The following GRIN2A variants were observed in gnomAD, a reference collection of about 807,000 sequenced individuals.
GRIN2A encodes glutamate receptor ionotropic, NMDA 2A.
GRIN2A carries 22 observed loss-of-function variants against 113.4 expected under a neutral mutation model. The ratio of observed to expected loss-of-function variants is 0.19; its 90% confidence interval spans 0.14 to 0.28. The LOEUF is 0.28. Among genes scored for constraint, GRIN2A ranks in the 10% least tolerant of loss-of-function variants. The probability of loss-of-function intolerance (pLI) is 1.00; values close to 1 mark genes in which losing one functional copy is unlikely to be tolerated. For synonymous variants in GRIN2A, 827 were observed against 738.4 expected, an observed-to-expected ratio of 1.12 and a Z score of -1.94; for missense variants, 1,502 against 1,887.0, an observed-to-expected ratio of 0.80 and a Z score of 3.78.
chr16:10,070,518 T>TA (rs144755324), intron 2 of GRIN2A, among the ~76,000 whole-genome samples: 15,361 of 151,598 alleles, frequency 0.1, 847 homozygotes, highest in Non-Finnish European at 0.12. Flanking sequence ...TAATTACAGT[T>TA]AAAAAAAAAT....
At chr16:10,053,332 G>T (rs544390023) in intron 2 of GRIN2A, among the ~76,000 whole-genome samples, 6 of 152,320 alleles carry the variant, frequency 3.9e-5, no homozygotes, top group African/African-American at 1.4e-4. Flanking sequence ...AATATATTTT[G>T]TTGAACATCT....
At chr16:10,054,175 A>G (rs1303658564) in intron 2 of GRIN2A, among the ~76,000 whole-genome samples, 1 of 152,212 alleles carries the variant, frequency 6.6e-6, no homozygotes, top group Non-Finnish European at 1.5e-5. Context: ...AGCGAAAAAA[A>G]AGAAGCCAAA....
At chr16:10,142,823 C>T (rs534045760) in intron 2 of GRIN2A, among the ~76,000 whole-genome samples, 1 of 152,298 alleles carries the variant, frequency 6.6e-6, no homozygotes, top group South Asian at 2.1e-4. Flanking sequence ...AGTCACATTC[C>T]CATGTAAAAT....
At chr16:10,070,484 A>G (rs1283256861) in intron 2 of GRIN2A, among the ~76,000 whole-genome samples, 1 of 152,134 alleles carries the variant, frequency 6.6e-6, no homozygotes, top group African/African-American at 2.4e-5. Context: ...GCCATCTACA[A>G]CATTGCCATA....
intron 2 of GRIN2A, among the ~76,000 whole-genome samples, chr16:10,174,909 G>C (rs1253176044): frequency 2.0e-5 from 3 of 151,446 alleles, no homozygotes; most frequent in Non-Finnish European, 2.9e-5. Context: ...GTACAGTCAT[G>C]TGCTGCATAA....
chr16:9,768,146 C>T (rs549581863), intron 12 of GRIN2A, among the ~76,000 whole-genome samples: 5 of 152,124 alleles, frequency 3.3e-5, no homozygotes, highest in African/African-American at 4.8e-5. Flanking sequence ...CTGCAAGCTC[C>T]GCTTCCCGGG....
At chr16:10,116,303 C>T (rs1269482539) in intron 2 of GRIN2A, among the ~76,000 whole-genome samples, 1 of 152,060 alleles carries the variant, frequency 6.6e-6, no homozygotes, top group Non-Finnish European at 1.5e-5. Flanking sequence ...GGAACACACA[C>T]CAGAGTCTGT....
intron 4 of GRIN2A, 139 bp from the exon 5 acceptor site, chr16:9,850,100 G>A (rs2042856889): frequency 1.3e-6 from 1 of 752,010 alleles, no homozygotes; most frequent in Non-Finnish European, 2.3e-6. Context: ...ATCTACTTCT[G>A]TGCTAAGACA....
rs1262201199 is a variant in GRIN2A at position 9,760,921 on chromosome 16, T to A, written c.*2228A>T. The A allele has an allele frequency of 8.6e-6, 2 of 232,434 alleles. No homozygotes were observed. Among genetic ancestry groups the A allele is most frequent in the Non-Finnish European group, 1.7e-5 (2 of 117,660 alleles). 14.4% of individuals were successfully genotyped at this position (232,434 alleles called of 1,614,324 possible). A position where few individuals can be genotyped will look rare whatever the true frequency, so the allele number is the denominator to read the frequency against. ...CTAAAAGGCTACACAGTCATGGAGA[T>A]TCAGATTTAGGATCAGATGTTGGGG... On this transcript the variant is annotated 3_prime_UTR_variant, in exon 13 of 13. Coordinates refer to ENST00000330684, the MANE Select transcript of GRIN2A (RefSeq NM_001134407.3).
intron 5 of GRIN2A, among the ~76,000 whole-genome samples, chr16:9,843,688 A>C (rs766404202): frequency 2.0e-5 from 3 of 151,874 alleles, no homozygotes; most frequent in Non-Finnish European, 4.4e-5. Flanking sequence ...TAGAGACTTT[A>C]CTCTCTTGCC....
intron 4 of GRIN2A, among the ~76,000 whole-genome samples, chr16:9,855,579 G>A (rs2042952986): frequency 6.6e-6 from 1 of 152,132 alleles, no homozygotes; most frequent in South Asian, 2.1e-4. Flanking sequence ...TAATCTCTAA[G>A]GTCTTTCAGG....
At chr16:10,056,665 G>T (rs939411473) in intron 2 of GRIN2A, among the ~76,000 whole-genome samples, 1 of 152,058 alleles carries the variant, frequency 6.6e-6, no homozygotes, top group African/African-American at 2.4e-5. Context: ...GAAAACACAG[G>T]AACACACACA....
intron 3 of GRIN2A, among the ~76,000 whole-genome samples, chr16:9,921,905 T>A (rs2044365476): frequency 6.6e-6 from 1 of 152,326 alleles, no homozygotes; most frequent in Admixed American, 6.5e-5. Context: ...GGGCCTCAAT[T>A]TCCTCATCTG....
intron 2 of GRIN2A, among the ~76,000 whole-genome samples, chr16:10,013,657 G>A (rs967626897): frequency 2.0e-5 from 3 of 152,150 alleles, no homozygotes; most frequent in Non-Finnish European, 4.4e-5. Context: ...CGCAAAGATT[G>A]GTACCAACCA....
intron 2 of GRIN2A, among the ~76,000 whole-genome samples, chr16:9,992,543 G>A (rs1238378931): frequency 3.9e-5 from 6 of 152,246 alleles, no homozygotes; most frequent in East Asian, 1.9e-4. Flanking sequence ...AAAATAACCC[G>A]CCTCGTTTTA....
At chr16:9,976,419 T>G (rs557194785) in intron 2 of GRIN2A, among the ~76,000 whole-genome samples, 10 of 152,318 alleles carry the variant, frequency 6.6e-5, no homozygotes, top group African/African-American at 2.4e-4. Context: ...ACCAAACAAG[T>G]TGCTGCCAGA....
chr16:10,076,346 A>T (rs73510663), intron 2 of GRIN2A, among the ~76,000 whole-genome samples: 7,408 of 152,154 alleles, frequency 0.049, 628 homozygotes, highest in African/African-American at 0.17. Context: ...CGAGGCAACA[A>T]CTGCTGCATC....
At chr16:10,098,816 G>A (rs2142102240) in intron 2 of GRIN2A, among the ~76,000 whole-genome samples, 1 of 152,180 alleles carries the variant, frequency 6.6e-6, no homozygotes, top group Non-Finnish European at 1.5e-5. Context: ...GGAAAGGGTG[G>A]TGAGGAATAA....
intron 10 of GRIN2A, among the ~76,000 whole-genome samples, chr16:9,820,758 G>C (rs905638347): frequency 6.6e-6 from 1 of 152,164 alleles, no homozygotes; most frequent in Admixed American, 6.6e-5. Context: ...TGTGGGGCGG[G>C]GTTCCAGGGA....
Sources: gnomAD v4.1 joint callset for allele counts (sites outside exome capture counted in the v4.1 genomes callset) on GRCh38, gnomAD v4.1.1 for gene constraint, MANE v1.5 for transcripts, NCBI Gene and HGNC (gene_info 2026-07-23, HGNC 2026-07-21) for gene names.